Variants in ANAPC4 observed in about 807,000 individuals in gnomAD.
The protein encoded by ANAPC4 is anaphase promoting complex subunit 4.
Under a neutral mutation model 119.8 loss-of-function variants are expected in ANAPC4, and 63 were observed. That is an observed-to-expected ratio of 0.53 (90% CI 0.43 to 0.65). ANAPC4 has a LOEUF of 0.65. Among genes scored for constraint, ANAPC4 ranks in the 30% least tolerant of loss-of-function variants. ANAPC4 has a pLI of 0.00. For missense variants in ANAPC4, 716 were observed against 945.1 expected, an observed-to-expected ratio of 0.76 and a Z score of 3.18; for synonymous variants, 283 against 318.6, an observed-to-expected ratio of 0.89 and a Z score of 1.19.
At chr4:25,399,818 T>C (rs1360075388) in intron 16 of ANAPC4, among the ~76,000 whole-genome samples, 1 of 151,822 alleles carries the variant, frequency 6.6e-6, no homozygotes, top group Non-Finnish European at 1.5e-5. Context: ...AGGTAATGAG[T>C]GTGCACAGAG....
chr4:25,390,295 A>G (rs1722274373), intron 8 of ANAPC4, 75 bp downstream of exon 8: 3 of 1,094,840 alleles, frequency 2.7e-6, no homozygotes, highest in East Asian at 2.6e-5. Context: ...GAAAAAGAAT[A>G]AAACACTAGG....
At chr4:25,400,352 T>G (rs900492439) in intron 16 of ANAPC4, among the ~76,000 whole-genome samples, 1 of 151,974 alleles carries the variant, frequency 6.6e-6, no homozygotes, top group Non-Finnish European at 1.5e-5. Context: ...TCATCAGTTG[T>G]AGGAGGAAAG....
In ANAPC4 at chr4:25,418,337, GAT is replaced by G. The variant is rs1437517152; in HGVS notation, c.2384_2385del (p.Ile795SerfsTer3). The G allele has an allele frequency of 3.7e-6, 6 of 1,614,058 alleles. No individual in the cohort carries two copies. The highest frequency in any genetic ancestry group is 5.1e-6 in the Non-Finnish European group (6 of 1,179,958). The part of the protein sequence containing the change: ...QAGAAALAPE[I>X]VIKVEKLDPE... ...CTGGTGCTGCCGCTTTAGCTCCAGA[GAT>G]AGTCATTAAAGTGGAAAAACTTGAC... On this transcript the variant is annotated frameshift_variant, in exon 29 of 29. Coordinates refer to ENST00000315368, the MANE Select transcript of ANAPC4 (RefSeq NM_013367.3). LOFTEE classifies it high-confidence loss of function.
Position 25,377,340 on chromosome 4 carries a change from T to C in ANAPC4, c.-15T>C. The C allele has an allele frequency of 1.3e-6, 2 of 1,553,466 alleles. No homozygotes were observed. The highest frequency in any genetic ancestry group is 8.7e-7 in the Non-Finnish European group (1 of 1,148,254). ...GTGTTAGTCTGCCGGTGGGGACTCT[T>C]GCAGGTACAGGCGCGGTCGGGGCTC... On this transcript the variant is annotated 5_prime_UTR_variant, in exon 1 of 29. Coordinates refer to ENST00000315368, the MANE Select transcript of ANAPC4 (RefSeq NM_013367.3).
chr4:25,389,026 T>C, intron 7 of ANAPC4, 144 bp downstream of exon 7: 1 of 715,944 alleles, frequency 1.4e-6, no homozygotes, highest in Non-Finnish European at 2.3e-6. Context: ...ATGGAGTCTC[T>C]GTCACCCAGG....
intron 21 of ANAPC4, among the ~76,000 whole-genome samples, chr4:25,412,716 A>C (rs776803667): frequency 7.3e-5 from 11 of 151,444 alleles, no homozygotes; most frequent in Admixed American, 2.0e-4. Context: ...GCACCACTGC[A>C]CTCCAACCTG....
chr4:25,412,057 C>G (rs1308105364), intron 21 of ANAPC4, among the ~76,000 whole-genome samples: 2 of 152,114 alleles, frequency 1.3e-5, no homozygotes, highest in Admixed American at 1.3e-4. Flanking sequence ...CAAGAGTTCC[C>G]AGAACCTTCC....
chr4:25,390,453 A>G lies in ANAPC4; in HGVS notation c.600+233A>G, dbSNP rs541201216. Among the ~76,000 whole-genome samples the G allele has an allele frequency of 5.3e-5, 8 of 152,300 alleles. 1 individual carries two copies. In the South Asian group the frequency reaches 1.7e-3, roughly 32 times the overall value. ...TTTTTTTTCTTTTTCTTTAACAGAA[A>G]GATTAGTATGATACACTTGATTATG... On this transcript the variant is annotated intron_variant, in intron 8 of 28. Transcript: ENST00000315368.
At position 25,406,733 on chromosome 4, in the gene ANAPC4, G is replaced by A; in HGVS notation, c.1318-96G>A. 9.9e-6 allele frequency: 9 copies of A among 906,452 alleles called. No homozygotes were observed. In the South Asian group the frequency reaches 1.5e-4, roughly 15 times the overall value. The allele number at this position is 906,452 out of a possible 1,614,324, so 56.2% of individuals were successfully genotyped here. On this transcript the variant is annotated intron_variant, in intron 18 of 28. Transcript: ENST00000315368. ...GCCAGTTTTCCCATGGCTTTTAGTA[G>A]ATAGTAAAAATGTCACATTTATAAT...
At chr4:25,416,214 A>G (rs1414887966) in intron 26 of ANAPC4, 2 of 356,512 alleles carry the variant, frequency 5.6e-6, no homozygotes, top group Non-Finnish European at 1.0e-5. Flanking sequence ...GGTCATGATT[A>G]CCCATTTTTA....
At chr4:25,398,881 G>A (rs1274180811) in intron 16 of ANAPC4, among the ~76,000 whole-genome samples, 1 of 151,634 alleles carries the variant, frequency 6.6e-6, no homozygotes, top group Non-Finnish European at 1.5e-5. Flanking sequence ...TGAAAGAGTA[G>A]AATTGATATT....
chr4:25,395,199 T>G (rs1290654617), intron 14 of ANAPC4: 1 of 226,562 alleles, frequency 4.4e-6, no homozygotes, highest in African/African-American at 2.3e-5. Context: ...ATCTTTTTTT[T>G]GAGCAGTGAG....
At position 25,394,341 on chromosome 4, in the gene ANAPC4, A is replaced by G; in HGVS notation, c.908A>G (p.Glu303Gly). The part of the protein sequence containing the change: ...EKNTTTSVQD[E>G]FMHLLLWGKA... ...AACACAACCACATCAGTGCAAGATG[A>G]GTTCATGCACTTGCTATTATGGGGG... Residue 303 changes from glutamate (E) to glycine (G), a missense_variant, in exon 12 of 29, where the codon GAG becomes GGG. Coordinates refer to ENST00000315368, the MANE Select transcript of ANAPC4 (RefSeq NM_013367.3). The G allele has an allele frequency of 6.3e-7, 1 of 1,585,020 alleles. No homozygotes were observed. The highest frequency in any genetic ancestry group is 2.0e-5 in the Admixed American group (1 of 50,306).
chr4:25,394,664 A>G lies in ANAPC4; in HGVS notation c.942-7A>G, dbSNP rs189265912. 5.7e-6 allele frequency: 9 copies of G among 1,588,368 alleles called. No homozygotes were observed. The Admixed American group carries it at 5.7e-5, about 10-fold the overall frequency. On this transcript the variant is annotated splice_region_variant and splice_polypyrimidine_tract_variant and intron_variant, in intron 12 of 28. Transcript: ENST00000315368. ...AGTGACTAAAAATACTTTGTTTTTC[A>G]TTGTAGTGCTGAACTTCAGACTCTC...
At chr4:25,382,380 C>T (rs1278124621) in intron 3 of ANAPC4, among the ~76,000 whole-genome samples, 2 of 152,150 alleles carry the variant, frequency 1.3e-5, no homozygotes, top group African/African-American at 4.8e-5. Context: ...ATTCTATGCT[C>T]ATTCTGTAGT....
chr4:25,403,164 C>A, intron 17 of ANAPC4, 138 bp downstream of exon 17: 1 of 541,042 alleles, frequency 1.8e-6, no homozygotes, highest in Non-Finnish European at 3.0e-6. Flanking sequence ...TTGTACCTTT[C>A]ACCTAGCTTC....
intron 21 of ANAPC4, among the ~76,000 whole-genome samples, chr4:25,410,314 T>TA (rs1723492644): frequency 6.6e-6 from 1 of 152,214 alleles, no homozygotes; most frequent in Admixed American, 6.5e-5. Flanking sequence ...CAGCACATCT[T>TA]ACCATTTTAG....
chr4:25,396,413 C>T (rs1378973072), intron 14 of ANAPC4, among the ~76,000 whole-genome samples: 18 of 152,188 alleles, frequency 1.2e-4, no homozygotes, highest in Admixed American at 1.2e-3. Context: ...TTAAAAGGGT[C>T]AGGACTAACT....
At chr4:25,387,228 A>G (rs1313691881) in intron 4 of ANAPC4, among the ~76,000 whole-genome samples, 2 of 152,212 alleles carry the variant, frequency 1.3e-5, no homozygotes, top group African/African-American at 2.4e-5. Flanking sequence ...CGGAGGAATC[A>G]GTGGGTTTGG....
Sources: gnomAD v4.1 joint callset for allele counts (sites outside exome capture counted in the v4.1 genomes callset) on GRCh38, gnomAD v4.1.1 for gene constraint, MANE v1.5 for transcripts, NCBI Gene and HGNC (gene_info 2026-07-23, HGNC 2026-07-21) for gene names.